The following SLC6A5 variants were observed in gnomAD, a reference collection of about 807,000 sequenced individuals.
SLC6A5 encodes solute carrier family 6 member 5, also known as sodium- and chloride-dependent glycine transporter 2.
A neutral mutation model predicts 90.5 loss-of-function variants in SLC6A5; 58 were observed. That is an observed-to-expected ratio of 0.64 (90% CI 0.52 to 0.80). SLC6A5 has a LOEUF of 0.80. Ranked by LOEUF, SLC6A5 falls within the 30% of genes least tolerant of loss-of-function variation. The pLI, the probability that SLC6A5 is intolerant of heterozygous loss-of-function variation, is 0.00. For synonymous variants in SLC6A5, 427 were observed against 401.4 expected, an observed-to-expected ratio of 1.06 and a Z score of -0.76; for missense variants, 1,015 against 1,017.6, an observed-to-expected ratio of 1.00 and a Z score of 0.03.
At chr11:20,646,429 T>C (rs894229368) in intron 13 of SLC6A5, among the ~76,000 whole-genome samples, 1 of 152,182 alleles carries the variant, frequency 6.6e-6, no homozygotes, top group Non-Finnish European at 1.5e-5. Flanking sequence ...ATTCCAATGC[T>C]TTCAGAATAT....
At chr11:20,621,155 G>A (rs893336115) in intron 7 of SLC6A5, among the ~76,000 whole-genome samples, 5 of 150,440 alleles carry the variant, frequency 3.3e-5, no homozygotes, top group African/African-American at 1.2e-4. Context: ...GAGTTATTAA[G>A]AATAGATAGT....
intron 12 of SLC6A5, 117 bp from the exon 13 acceptor site, chr11:20,638,342 T>A: frequency 4.0e-6 from 3 of 743,636 alleles, no homozygotes; most frequent in Non-Finnish European, 2.5e-6. Context: ...GGGAGATGCA[T>A]GGACTCCTGT....
rs1191650756 is a variant in SLC6A5, at chr11:20,630,826, G to C, written c.1624+11G>C. 1 of 1,614,042 alleles carries C rather than the reference G, an allele frequency of 6.2e-7. No individual in the cohort carries two copies. Among genetic ancestry groups the C allele is most frequent in the Non-Finnish European group, 8.5e-7 (1 of 1,179,888 alleles). On this transcript the variant is annotated intron_variant, in intron 10 of 15. Transcript: ENST00000525748. The stretch of plus-strand genomic sequence containing the variant: ...ATGTGGCAGACCAAGGTACAGGACA[G>C]TTGTTACCCTGCTGTTGCAGGGCAG...
At chr11:20,642,187 CCT>C (rs1392036068) in intron 13 of SLC6A5, among the ~76,000 whole-genome samples, 1 of 142,292 alleles carries the variant, frequency 7.0e-6, no homozygotes, top group African/African-American at 2.5e-5. Context: ...AGGTGTGGTT[CCT>C]CTCTGAGCAC....
chr11:20,642,083 C>A (rs561805902), intron 13 of SLC6A5, among the ~76,000 whole-genome samples: 11 of 151,618 alleles, frequency 7.3e-5, no homozygotes, highest in Non-Finnish European at 1.5e-4. Context: ...AGACTGGAGA[C>A]GTAATTTGTG....
At chr11:20,641,968 TATAAA>T (rs1853322331) in intron 13 of SLC6A5, among the ~76,000 whole-genome samples, 1 of 151,822 alleles carries the variant, frequency 6.6e-6, no homozygotes, top group African/African-American at 2.4e-5. Flanking sequence ...GAAAAAATAA[TATAAA>T]ATAAATAAAC....
In SLC6A5 at chr11:20,630,751, C is replaced by A; in HGVS notation, c.1560C>A (p.Ile520=). ...CAAGCATCTTTGCCGGCTTCGTCAT[C>A]TTCTCCGTTATCGGCTTCATGGCCA... is the stretch of plus-strand genomic sequence containing the variant. ...SATSIFAGFV[I]FSVIGFMANE... is the part of the protein sequence containing the mutation. The change falls in exon 10 of 16, where the codon ATC becomes ATA. Residue 520 remains isoleucine (I), a synonymous_variant. Transcript: ENST00000525748. 6.2e-7 allele frequency: 1 copy of A among 1,614,240 alleles called. No homozygotes were observed. The highest frequency in any genetic ancestry group is 8.5e-7 in the Non-Finnish European group (1 of 1,180,026).
intron 3 of SLC6A5, among the ~76,000 whole-genome samples, chr11:20,605,681 C>G (rs1168425430): frequency 6.6e-6 from 1 of 152,238 alleles, no homozygotes; most frequent in African/African-American, 2.4e-5. Flanking sequence ...AGTGCCCGCG[C>G]TTTGCCCGCC....
intron 10 of SLC6A5, among the ~76,000 whole-genome samples, chr11:20,634,839 G>T (rs908463205): frequency 6.6e-6 from 1 of 152,182 alleles, no homozygotes; most frequent in Non-Finnish European, 1.5e-5. Flanking sequence ...TCTAGGTGCT[G>T]TGATTGCTGA....
chr11:20,641,544 G>A lies in SLC6A5; in HGVS notation c.1969+2986G>A, dbSNP rs187716486. On this transcript the variant is annotated intron_variant, in intron 13 of 15. Coordinates refer to ENST00000525748, the MANE Select transcript of SLC6A5 (RefSeq NM_004211.5). ...AAAATAAACTGTACCCCTGAAATCT[G>A]CAAATTCAAGCTTAATTTATTTCTC... 3.0e-3 allele frequency among the ~76,000 whole-genome samples: 451 copies of A among 152,230 alleles called. 3 individuals carry two copies. The highest frequency in any genetic ancestry group is 0.011 in the African/African-American group (437 of 41,534).
chr11:20,631,081 T>G (rs1315854737), intron 10 of SLC6A5, among the ~76,000 whole-genome samples: 1 of 152,202 alleles, frequency 6.6e-6, no homozygotes, highest in Non-Finnish European at 1.5e-5. Context: ...TTGCCCCTCT[T>G]AATTTAGCTC....
chr11:20,599,986 C>T (rs1017486181), intron 1 of SLC6A5, among the ~76,000 whole-genome samples: 21 of 152,124 alleles, frequency 1.4e-4, no homozygotes, highest in Non-Finnish European at 2.9e-5. Context: ...CTAGAGGCTA[C>T]TGAGACAAAT....
intron 15 of SLC6A5, among the ~76,000 whole-genome samples, chr11:20,653,887 A>G (rs1026701270): frequency 2.0e-5 from 3 of 152,190 alleles, no homozygotes; most frequent in African/African-American, 7.2e-5. Flanking sequence ...ATATAAATTT[A>G]TTATGGTGGA....
chr11:20,623,810 C>T (rs1417945878), intron 7 of SLC6A5, among the ~76,000 whole-genome samples: 1 of 152,102 alleles, frequency 6.6e-6, no homozygotes. Flanking sequence ...CCCAGACATC[C>T]AGTTGGCTCA....
intron 14 of SLC6A5, 31 bp downstream of exon 14, chr11:20,646,965 C>A (rs764637972): frequency 7.4e-7 from 1 of 1,347,912 alleles, no homozygotes. Context: ...CTTGTGCAGA[C>A]AGCACCTTGC....
chr11:20,608,255 C>T (rs1350103425), intron 5 of SLC6A5, among the ~76,000 whole-genome samples: 1 of 152,164 alleles, frequency 6.6e-6, no homozygotes, highest in African/African-American at 2.4e-5. Flanking sequence ...GGGCAAGATA[C>T]TGGGGAGTCA....
intron 14 of SLC6A5, among the ~76,000 whole-genome samples, chr11:20,648,606 G>C (rs1156931474): frequency 6.6e-6 from 1 of 152,096 alleles, no homozygotes; most frequent in Non-Finnish European, 1.5e-5. Context: ...GAACATCTGC[G>C]AACAGACAGA....
At chr11:20,649,108 A>AT (rs1853476699) in intron 14 of SLC6A5, among the ~76,000 whole-genome samples, 2 of 152,352 alleles carry the variant, frequency 1.3e-5, no homozygotes, top group Admixed American at 1.3e-4. Flanking sequence ...AGTTCTAATC[A>AT]TTTTTGTGAG....
chr11:20,618,707 C>T (rs908724393), intron 7 of SLC6A5, among the ~76,000 whole-genome samples: 9 of 152,026 alleles, frequency 5.9e-5, no homozygotes, highest in African/African-American at 4.8e-5. Flanking sequence ...GAGGCTGAGG[C>T]GGGTGGATCA....
Sources: allele counts gnomAD v4.1 joint callset (sites outside exome capture counted in the v4.1 genomes callset), GRCh38; gene constraint gnomAD v4.1.1; transcripts MANE v1.5; gene names NCBI Gene and HGNC (gene_info 2026-07-23, HGNC 2026-07-21).